CACNA1A: variants seen among roughly 807,000 people sequenced by gnomAD.
CACNA1A encodes the protein voltage-dependent P/Q-type calcium channel subunit alpha-1A.
CACNA1A carries 57 observed loss-of-function variants against 262.4 expected under a neutral mutation model. That is an observed-to-expected ratio of 0.22 (90% CI 0.18 to 0.27). CACNA1A has a LOEUF of 0.27. Ranked by LOEUF, CACNA1A falls within the 10% of genes least tolerant of loss-of-function variation. CACNA1A has a pLI of 1.00. For missense variants in CACNA1A, 2,526 were observed against 3,562.8 expected, an observed-to-expected ratio of 0.71 and a Z score of 7.41; for synonymous variants, 1,431 against 1,419.3, an observed-to-expected ratio of 1.01 and a Z score of -0.18.
Position 13,393,678 on chromosome 19 carries a change from TTTCTTTCCTTTTC to T in CACNA1A, c.540-21912_540-21900del, listed in dbSNP as rs1259108559. ...TGTCTTCCTCTTTTCTTTCTTTCTC[TTTCTTTCCTTTTC>T]TTTCTTTACCTTTCTCTCTCTCTTT... On this transcript the variant is annotated intron_variant, in intron 3 of 46. Coordinates refer to ENST00000360228, the MANE Select transcript of CACNA1A (RefSeq NM_001127222.2). 2.3e-4 allele frequency among the ~76,000 whole-genome samples: 35 copies of T among 149,096 alleles called. 1 individual carries two copies. The South Asian group carries it at 2.7e-3, about 12-fold the overall frequency.
At chr19:13,283,107 C>T (rs763436293) in intron 22 of CACNA1A, among the ~76,000 whole-genome samples, 160 bp downstream of exon 22, 30 of 152,196 alleles carry the variant, frequency 2.0e-4, no homozygotes, top group Admixed American at 3.9e-4. Context: ...CAAGAGCATC[C>T]CCAAGGAATC....
Position 13,214,311 on chromosome 19 carries a change from C to G in CACNA1A, c.5862G>C (p.Lys1954Asn). Reference protein sequence around the residue: ...PHKSTDLTVGKIYAAMMIMEY... With the variant: ...PHKSTDLTVGNIYAAMMIMEY... Reference sequence around the variant, plus strand: ...CCATGATCATCATGGCTGCGTAGATCTTCCCCACGGTGAGGTCCGTGGCTG... The same window carrying G: ...CCATGATCATCATGGCTGCGTAGATGTTCCCCACGGTGAGGTCCGTGGCTG... Residue 1954 changes from lysine (K) to asparagine (N), a missense_variant, in exon 40 of 47, where the codon AAG (lysine) becomes AAC (asparagine). By Grantham distance (94) the Lys-to-Asn change is moderately conservative. Around this residue, in one of 17 missense-constraint regions of CACNA1A, gnomAD observed 112 missense variants for 197.2 expected, o/e 0.57. Transcript: ENST00000360228. This position sits in a 1 kb window ranked among gnomAD's most constrained non-coding sequence, Gnocchi z 4.1. 1 of 1,612,862 alleles carries G rather than the reference C, an allele frequency of 6.2e-7. No individual in the cohort carries two copies. Among genetic ancestry groups the G allele is most frequent in the African/African-American group, 1.3e-5 (1 of 75,078 alleles).
chr19:13,392,897 C>A (rs576344442), intron 3 of CACNA1A, among the ~76,000 whole-genome samples: 1 of 152,322 alleles, frequency 6.6e-6, no homozygotes, highest in Non-Finnish European at 1.5e-5. Context: ...CAGGCACACG[C>A]CACCATGCTC....
chr19:13,270,260 CAA>C (rs1360105008), intron 24 of CACNA1A, among the ~76,000 whole-genome samples: 1 of 152,140 alleles, frequency 6.6e-6, no homozygotes, highest in Non-Finnish European at 1.5e-5. Flanking sequence ...AGAGAGAAAT[CAA>C]ACAGACCTGG....
At chr19:13,278,875 G>A in intron 22 of CACNA1A, among the ~76,000 whole-genome samples, 1 of 152,098 alleles carries the variant, frequency 6.6e-6, no homozygotes, top group Non-Finnish European at 1.5e-5. Flanking sequence ...GTCAGGGTGA[G>A]GTGACTTCCT....
rs528058647 is a variant in CACNA1A at position 13,439,492 on chromosome 19, C to T, written c.539+13384G>A. 4.0e-5 allele frequency among the ~76,000 whole-genome samples: 6 copies of T among 151,546 alleles called. No individual in the cohort carries two copies. In the East Asian group the frequency reaches 5.8e-4, roughly 15 times the overall value. Reference sequence around the variant, plus strand: ...TCAGCTCACTGCAAGCTCCGCCTCCCGGGTTCACGCCATTCTCCTGCCTCA... The same window carrying T: ...TCAGCTCACTGCAAGCTCCGCCTCCTGGGTTCACGCCATTCTCCTGCCTCA... On this transcript the variant is annotated intron_variant, in intron 3 of 46. Transcript: ENST00000360228.
intron 19 of CACNA1A, among the ~76,000 whole-genome samples, chr19:13,297,282 T>C (rs2057683580): frequency 6.6e-6 from 1 of 152,190 alleles, no homozygotes; most frequent in Admixed American, 6.5e-5. Flanking sequence ...TGGACGACAG[T>C]GGGGCTTCTC....
intron 19 of CACNA1A, among the ~76,000 whole-genome samples, chr19:13,298,139 T>A (rs2057705404): frequency 3.2e-5 from 4 of 126,302 alleles, no homozygotes; most frequent in African/African-American, 3.1e-5. Context: ...AGCACTTTTT[T>A]TTTTTTTTTG....
intron 3 of CACNA1A, among the ~76,000 whole-genome samples, chr19:13,387,314 C>T (rs2059632319): frequency 6.6e-6 from 1 of 152,120 alleles, no homozygotes; most frequent in African/African-American, 2.4e-5. Context: ...ATTAAAGGAG[C>T]CAATATTCAC....
intron 3 of CACNA1A, among the ~76,000 whole-genome samples, chr19:13,401,821 C>A (rs866685480): frequency 2.0e-5 from 3 of 152,228 alleles, no homozygotes; most frequent in Middle Eastern, 3.4e-3. Flanking sequence ...CCTCATTGCA[C>A]CCCTCACCAG....
chr19:13,234,640 G>A (rs2055804848), intron 34 of CACNA1A, among the ~76,000 whole-genome samples: 1 of 152,054 alleles, frequency 6.6e-6, no homozygotes. Context: ...CCAGCCTCAC[G>A]GGAAAAGAAG....
rs2304094 is a variant in CACNA1A, at chr19:13,208,867, G to C, written c.6669C>G (p.Pro2223=). Residue 2223 remains proline, a synonymous_variant, in exon 46 of 47, where the codon CCC becomes CCG. Coordinates refer to ENST00000360228, the MANE Select transcript of CACNA1A (RefSeq NM_001127222.2). ...GTTCCTGGGCATAGCGGTCCTTGTC[G>C]GGGGGCGGGGGATGGTGGTGGTGGT... ...HHHHHHHPPP[P]DKDRYAQERP... 1 of 1,535,994 alleles carries C rather than the reference G, an allele frequency of 6.5e-7. No individual in the cohort carries two copies. The highest frequency in any genetic ancestry group is 2.0e-5 in the Admixed American group (1 of 50,976).
At chr19:13,365,245 C>G (rs992314483) in intron 5 of CACNA1A, 72 bp downstream of exon 5, 10 of 1,386,094 alleles carry the variant, frequency 7.2e-6, no homozygotes, top group Non-Finnish European at 1.0e-5. Flanking sequence ...AAGCACACCC[C>G]TGCCTAATCC....
At chr19:13,264,532 C>T (rs2056816309) in intron 24 of CACNA1A, among the ~76,000 whole-genome samples, 1 of 152,248 alleles carries the variant, frequency 6.6e-6, no homozygotes, top group Non-Finnish European at 1.5e-5. Flanking sequence ...TCTTGAAAAT[C>T]TAGTCCAACT....
chr19:13,494,894 G>A (rs1187736012), intron 1 of CACNA1A, among the ~76,000 whole-genome samples: 1 of 152,108 alleles, frequency 6.6e-6, no homozygotes, highest in East Asian at 1.9e-4. Context: ...TGACATGTGG[G>A]TATTACAATT....
intron 3 of CACNA1A, among the ~76,000 whole-genome samples, chr19:13,374,703 G>A (rs2059376554): frequency 6.6e-6 from 1 of 152,234 alleles, no homozygotes; most frequent in South Asian, 2.1e-4. Context: ...GTCAGGGCAT[G>A]AACAGCAAAG....
At chr19:13,361,881 G>A (rs193047366) in intron 5 of CACNA1A, among the ~76,000 whole-genome samples, 2 of 152,312 alleles carry the variant, frequency 1.3e-5, no homozygotes, top group Non-Finnish European at 2.9e-5. Flanking sequence ...CATGGCACCT[G>A]TGCCTGGAAT....
chr19:13,393,779 CTCCT>C (rs375996067), intron 3 of CACNA1A, among the ~76,000 whole-genome samples: 32 of 98,446 alleles, frequency 3.3e-4, no homozygotes, highest in Admixed American at 8.2e-4. Context: ...CCCTCCCTCC[CTCCT>C]TCCTTCCTTC....
chr19:13,420,451 C>A (rs1371649190), intron 3 of CACNA1A, among the ~76,000 whole-genome samples: 1 of 151,948 alleles, frequency 6.6e-6, no homozygotes, highest in Non-Finnish European at 1.5e-5. Context: ...TTAGAGTAAG[C>A]CCTAAATTCA....
Sources: gnomAD v4.1 joint callset for allele counts (sites outside exome capture counted in the v4.1 genomes callset) on GRCh38, gnomAD v4.1.1 for gene constraint, gnomAD v4.1.1 regional missense constraint, Gnocchi (gnomAD v3.1) non-coding constraint, MANE v1.5 for transcripts, NCBI Gene and HGNC (gene_info 2026-07-23, HGNC 2026-07-21) for gene names.